DNM3: variants seen among roughly 807,000 people sequenced by gnomAD.
DNM3 encodes the protein dynamin-3.
A neutral mutation model predicts 101.6 loss-of-function variants in DNM3; 47 were observed. The observed-to-expected ratio is 0.46, with a 90% CI of 0.37 to 0.59. The LOEUF is 0.59. DNM3 is among the 20% of genes least tolerant of loss of function. The pLI is 0.00. For synonymous variants in DNM3, 385 were observed against 387.9 expected (o/e 0.99, Z 0.09); for missense variants, 849 against 1,085.7 (o/e 0.78, Z 3.06).
chr1:172,032,386 T>C lies in DNM3; in HGVS notation c.590-16T>C. On this transcript the variant is annotated splice_polypyrimidine_tract_variant and intron_variant, in intron 4 of 20. Transcript: ENST00000627582. ...CTTCTGCAAATTGTGTAATGTTGGGTTTGTTTATGATGCAGGTCTGAGAAC... is the reference window on the plus strand; with the variant it reads ...CTTCTGCAAATTGTGTAATGTTGGGCTTGTTTATGATGCAGGTCTGAGAAC... 6.3e-7 allele frequency: 1 copy of C among 1,592,890 alleles called. No individual in the cohort carries two copies. Among genetic ancestry groups the C allele is most frequent in the East Asian group, 2.2e-5 (1 of 44,746 alleles).
chr1:172,143,571 ACTT>A (rs1240399402), intron 14 of DNM3, among the ~76,000 whole-genome samples: 2 of 152,048 alleles, frequency 1.3e-5, no homozygotes, highest in African/African-American at 2.4e-5. Context: ...ACCAAAGAAA[ACTT>A]CTGCCTTCGT....
intron 14 of DNM3, chr1:172,131,774 C>A: frequency 2.6e-6 from 1 of 385,800 alleles, no homozygotes; most frequent in South Asian, 2.0e-5. Flanking sequence ...AAGTGAGTCT[C>A]AGATCATTGT....
At chr1:172,086,076 A>T (rs1283297005) in intron 12 of DNM3, among the ~76,000 whole-genome samples, 2 of 152,200 alleles carry the variant, frequency 1.3e-5, no homozygotes, top group Non-Finnish European at 2.9e-5. Context: ...TATAAATTCC[A>T]ATGTTCCAAG....
intron 1 of DNM3, among the ~76,000 whole-genome samples, chr1:171,898,729 T>A (rs1325884113): frequency 1.3e-5 from 2 of 150,804 alleles, no homozygotes; most frequent in Non-Finnish European, 3.0e-5. Context: ...GAAATCATAT[T>A]GTACATTTGG....
chr1:172,120,787 G>A (rs1416854749), intron 13 of DNM3, among the ~76,000 whole-genome samples: 1 of 152,212 alleles, frequency 6.6e-6, no homozygotes, highest in Non-Finnish European at 1.5e-5. Flanking sequence ...TTATCTGTGT[G>A]AGACTTTGTT....
At chr1:172,340,637 A>G (rs2066643477) in intron 17 of DNM3, among the ~76,000 whole-genome samples, 1 of 152,224 alleles carries the variant, frequency 6.6e-6, no homozygotes, top group Admixed American at 6.5e-5. Context: ...ATGGAGTAGA[A>G]TTTCCCTTCA....
intron 2 of DNM3, chr1:171,970,150 C>A (rs2038479): frequency 0.78 from 394,578 of 509,006 alleles, 153,316 homozygotes; most frequent in Middle Eastern, 0.83. Flanking sequence ...TTCATTTTAT[C>A]GATGGAATAC....
At chr1:172,046,779 T>A (rs1572241834) in intron 9 of DNM3, among the ~76,000 whole-genome samples, 1 of 152,114 alleles carries the variant, frequency 6.6e-6, no homozygotes, top group African/African-American at 2.4e-5. Flanking sequence ...CTGTTTTGCT[T>A]TTTAGCTGGG....
intron 14 of DNM3, among the ~76,000 whole-genome samples, chr1:172,231,177 TGAG>T (rs1395052212): frequency 7.8e-6 from 1 of 127,794 alleles, no homozygotes; most frequent in Non-Finnish European, 1.7e-5. Flanking sequence ...GGGACCCACT[TGAG>T]GAGGCAATCT....
rs184925746 is a variant in DNM3 at position 172,318,177 on chromosome 1, A to G, written c.1882-5152A>G. Among the ~76,000 whole-genome samples the G allele has an allele frequency of 1.2e-3, 187 of 152,374 alleles. 1 individual carries two copies. The highest frequency in any genetic ancestry group is 6.8e-3 in the Middle Eastern group (2 of 294). ...TAGATGCAGAAAAGGCCCTTGAAAA[A>G]ATTCAACAGCCCTTCAGGCTATAAA... On this transcript the variant is annotated intron_variant, in intron 16 of 20. Transcript: ENST00000627582.
intron 1 of DNM3, among the ~76,000 whole-genome samples, chr1:171,890,834 A>G (rs2037205688): frequency 1.3e-5 from 2 of 152,162 alleles, no homozygotes; most frequent in African/African-American, 4.8e-5. Flanking sequence ...AACCAAACAA[A>G]AACAGTTATG....
intron 12 of DNM3, among the ~76,000 whole-genome samples, chr1:172,090,126 A>G (rs1359941743): frequency 6.6e-6 from 1 of 152,218 alleles, no homozygotes; most frequent in African/African-American, 2.4e-5. Context: ...GTTCAAAGGA[A>G]GCACCTGTGG....
At chr1:171,878,077 A>G (rs1475866909) in intron 1 of DNM3, among the ~76,000 whole-genome samples, 1 of 151,888 alleles carries the variant, frequency 6.6e-6, no homozygotes, top group African/African-American at 2.4e-5. Context: ...GAGATAATTT[A>G]AAAGTAAAGT....
At chr1:172,373,586 TG>T (rs2068457580) in intron 17 of DNM3, among the ~76,000 whole-genome samples, 1 of 152,148 alleles carries the variant, frequency 6.6e-6, no homozygotes, top group African/African-American at 2.4e-5. Flanking sequence ...CCATAGTTGT[TG>T]ATCTTTAAGC....
chr1:172,045,946 A>G (rs937909843), intron 9 of DNM3, among the ~76,000 whole-genome samples: 4 of 152,156 alleles, frequency 2.6e-5, no homozygotes, highest in African/African-American at 7.2e-5. Flanking sequence ...AATTTAGACA[A>G]TCTGTTGGTG....
intron 13 of DNM3, among the ~76,000 whole-genome samples, chr1:172,121,095 G>A (rs911459274): frequency 6.6e-6 from 1 of 152,168 alleles, no homozygotes; most frequent in African/African-American, 2.4e-5. Context: ...CCTTGAATGT[G>A]AGAAATAGAT....
chr1:172,061,696 G>T (rs12139236), intron 10 of DNM3, among the ~76,000 whole-genome samples: 41,191 of 122,422 alleles, frequency 0.34, 7,504 homozygotes, highest in East Asian at 0.68. Flanking sequence ...TGGGGACTGT[G>T]GTGGGGTGGG....
At chr1:171,989,173 G>A (rs2045473991) in intron 4 of DNM3, 25 bp downstream of exon 4, 1 of 1,602,412 alleles carries the variant, frequency 6.2e-7, no homozygotes, top group Admixed American at 1.7e-5. Flanking sequence ...ACTAAGATGA[G>A]AAGGAATTAA....
At position 172,289,859 on chromosome 1, in the gene DNM3, A is replaced by T. The variant is rs189284467; in HGVS notation, c.1770-18869A>T. On this transcript the variant is annotated intron_variant, in intron 15 of 20. Transcript: ENST00000627582. ...TGGTTTTGTTGTTCTTTCCTATTTA[A>T]CTTTTATCATAATTTGTAGTTTTAT... 6.7e-4 allele frequency: 660 copies of T among 979,170 alleles called. 1 individual carries two copies. In the African/African-American group the frequency reaches 0.011, roughly 16 times the overall value. 60.7% of individuals were successfully genotyped at this position (979,170 alleles called of 1,614,324 possible).
Sources: gnomAD v4.1 joint callset for allele counts (sites outside exome capture counted in the v4.1 genomes callset) on GRCh38, gnomAD v4.1.1 for gene constraint, MANE v1.5 for transcripts, NCBI Gene and HGNC (gene_info 2026-07-23, HGNC 2026-07-21) for gene names.